Variants in XYLB observed in about 807,000 individuals in gnomAD.
XYLB encodes xylulose kinase.
A neutral mutation model predicts 78.7 loss-of-function variants in XYLB; 62 were observed. The observed-to-expected ratio is 0.79, with a 90% CI of 0.64 to 0.97. The LOEUF (loss-of-function observed/expected upper bound fraction) is 0.97, where lower values mean the gene tolerates loss of function less well. Ranked by LOEUF, XYLB falls within the 50% of genes least tolerant of loss-of-function variation. The pLI is 0.00. For synonymous variants in XYLB, 245 were observed against 247.4 expected (o/e 0.99, Z 0.09); for missense variants, 687 against 676.8 (o/e 1.02, Z -0.17).
chr3:38,355,655 AAATGTG>A, intron 2 of XYLB: 4 of 695,576 alleles, frequency 5.8e-6, no homozygotes, highest in South Asian at 4.5e-5. Context: ...GAATATAAGA[AAATGTG>A]ATCAGGCCTC....
the XYLB span, among the ~76,000 whole-genome samples, chr3:38,436,997 CCTT>C: frequency 2.9e-5 from 3 of 102,454 alleles, no homozygotes; most frequent in African/African-American, 7.1e-5. Flanking sequence ...GAGTGAGACT[CCTT>C]CTAAAAATAA....
chr3:38,372,285 G>A (rs1174730066), intron 9 of XYLB: 2 of 524,598 alleles, frequency 3.8e-6, no homozygotes, highest in Non-Finnish European at 4.9e-6. Context: ...CTGCTCCCAT[G>A]AGTTTGCTTA....
intron 18 of XYLB, among the ~76,000 whole-genome samples, chr3:38,407,908 G>C (rs1483764325): frequency 6.6e-6 from 1 of 151,558 alleles, no homozygotes; most frequent in African/African-American, 2.4e-5. Flanking sequence ...CCTACAAAGA[G>C]ACTTAGACTC....
chr3:38,391,364 C>T (rs1707648095), intron 15 of XYLB, among the ~76,000 whole-genome samples: 1 of 152,130 alleles, frequency 6.6e-6, no homozygotes, highest in South Asian at 2.1e-4. Flanking sequence ...TATAATTTCC[C>T]TGGAATTCTT....
At chr3:38,421,481 A>G (rs1708976711), downstream of XYLB, 1 of 152,264 alleles carries the variant, frequency 6.6e-6, no homozygotes, top group South Asian at 2.1e-4. Context: ...AGTGAACGTT[A>G]GCACTAGCTG....
the XYLB span, among the ~76,000 whole-genome samples, chr3:38,432,561 G>A: frequency 2.6e-4 from 39 of 151,008 alleles, no homozygotes; most frequent in Non-Finnish European, 4.3e-4. Context: ...GCTAGACTCC[G>A]TCAAAAAAAA....
downstream of XYLB, among the ~76,000 whole-genome samples, chr3:38,424,014 C>T (rs570401006): frequency 3.9e-5 from 6 of 152,318 alleles, no homozygotes; most frequent in South Asian, 1.2e-3. Context: ...GGCATTCCTA[C>T]CTCTGCCATG....
chr3:38,443,763 G>A, the XYLB span, among the ~76,000 whole-genome samples: 2 of 150,706 alleles, frequency 1.3e-5, no homozygotes, highest in East Asian at 1.9e-4. Flanking sequence ...CAGGTGACAG[G>A]GGAGTGTATT....
Position 38,397,174 on chromosome 3 carries a change from G to A in XYLB, c.1438+15G>A. 2 of 1,613,398 alleles carry A rather than the reference G, an allele frequency of 1.2e-6. No individual in the cohort carries two copies. The highest frequency in any genetic ancestry group is 4.5e-5 in the East Asian group (2 of 44,866). On this transcript the variant is annotated intron_variant, in intron 17 of 18. Coordinates refer to ENST00000207870, the MANE Select transcript of XYLB (RefSeq NM_005108.4). ...AGCTTTTCATGGTAGGTTGATGGAG[G>A]GAGACAGCTATCTCTGGAAGTGGCC...
chr3:38,382,689 C>T (rs561564363), intron 15 of XYLB, among the ~76,000 whole-genome samples: 1 of 152,224 alleles, frequency 6.6e-6, no homozygotes, highest in African/African-American at 2.4e-5. Flanking sequence ...GGCAGGGGTC[C>T]TCCGGCTGTC....
intron 16 of XYLB, 94 bp downstream of exon 16, chr3:38,395,657 C>T (rs756641142): frequency 1.3e-4 from 178 of 1,337,206 alleles, no homozygotes; most frequent in Middle Eastern, 7.3e-4. Context: ...CCTCCATTCC[C>T]ACTCCTGCAG....
At chr3:38,404,689 G>A (rs1271648666) in intron 18 of XYLB, among the ~76,000 whole-genome samples, 1 of 152,152 alleles carries the variant, frequency 6.6e-6, no homozygotes, top group African/African-American at 2.4e-5. Flanking sequence ...AGCTGGGTGT[G>A]GTGGTGCACA....
chr3:38,417,255 G>A (rs1473492041), downstream of XYLB, among the ~76,000 whole-genome samples: 1 of 152,086 alleles, frequency 6.6e-6, no homozygotes, highest in Non-Finnish European at 1.5e-5. Flanking sequence ...GGGCAACATG[G>A]TGAAACCCCA....
At chr3:38,419,594 ATATATATAT>A (rs1559628748), downstream of XYLB, among the ~76,000 whole-genome samples, 134 of 121,210 alleles carry the variant, frequency 1.1e-3, 9 homozygotes, top group South Asian at 0.018. Context: ...ATATATATAT[ATATATATAT>A]AATAGCCATC....
Position 38,413,159 on chromosome 3 carries a change from C to A in XYLB, c.*146C>A. The A allele has an allele frequency of 1.5e-6, 1 of 667,154 alleles. No individual in the cohort carries two copies. Among genetic ancestry groups the A allele is most frequent in the African/African-American group, 1.9e-5 (1 of 52,400 alleles). The allele number at this position is 667,154 out of a possible 1,614,324, so 41.3% of individuals were successfully genotyped here. ...TGGAGTGTCCAGGACCATCTTAAAG[C>A]CGCCCTCAGCACATCTGCATGAAGA... On this transcript the variant is annotated 3_prime_UTR_variant, in exon 19 of 19. Coordinates refer to ENST00000207870, the MANE Select transcript of XYLB (RefSeq NM_005108.4).
the XYLB span, among the ~76,000 whole-genome samples, chr3:38,444,956 A>C: frequency 1.1e-4 from 16 of 152,170 alleles, no homozygotes; most frequent in African/African-American, 3.9e-4. Context: ...TTACCGACAC[A>C]TTCTTGAAAA....
chr3:38,353,334 G>A (rs2125553083), intron 2 of XYLB, among the ~76,000 whole-genome samples: 1 of 152,036 alleles, frequency 6.6e-6, no homozygotes, highest in African/African-American at 2.4e-5. Flanking sequence ...TTTGAGACAG[G>A]AGCTGGCTGT....
chr3:38,386,004 TTGTCTGTC>T (rs1012871558), intron 15 of XYLB, among the ~76,000 whole-genome samples: 1 of 152,226 alleles, frequency 6.6e-6, no homozygotes, highest in African/African-American at 2.4e-5. Flanking sequence ...ACCTTTCTAT[TTGTCTGTC>T]TGTCTACTTC....
In XYLB at chr3:38,346,809, A is replaced by C. The variant is rs895050259; in HGVS notation, c.-60A>C. 1 of 1,442,044 alleles carries C rather than the reference A, an allele frequency of 6.9e-7. No individual in the cohort carries two copies. The highest frequency in any genetic ancestry group is 1.5e-5 in the African/African-American group (1 of 67,646). The allele number at this position is 1,442,044 out of a possible 1,614,324, so 89.3% of individuals were successfully genotyped here. The stretch of plus-strand genomic sequence containing the variant: ...CGTCTCTGGGCGCTGGAGCGCGGCG[A>C]CTATCACGCCGCGTGGCGGACGGAC... On this transcript the variant is annotated 5_prime_UTR_variant, in exon 1 of 19. Coordinates refer to ENST00000207870, the MANE Select transcript of XYLB (RefSeq NM_005108.4).
Sources: allele counts gnomAD v4.1 joint callset (sites outside exome capture counted in the v4.1 genomes callset), GRCh38; gene constraint gnomAD v4.1.1; transcripts MANE v1.5; gene names NCBI Gene and HGNC (gene_info 2026-07-23, HGNC 2026-07-21).